The following EIF3L variants were observed in gnomAD, a reference collection of about 807,000 sequenced individuals.
The protein encoded by EIF3L is eIEF associated protein HSPC021.
A neutral mutation model predicts 74.6 loss-of-function variants in EIF3L; 32 were observed. The ratio of observed to expected loss-of-function variants is 0.43; its 90% confidence interval spans 0.32 to 0.58. EIF3L has a LOEUF of 0.58. Ranked by LOEUF, EIF3L falls within the 20% of genes least tolerant of loss-of-function variation. The probability of loss-of-function intolerance (pLI) is 0.06; values close to 1 mark genes in which losing one functional copy is unlikely to be tolerated. For missense variants in EIF3L, 474 were observed against 707.8 expected (o/e 0.67, Z 3.75); for synonymous variants, 256 against 254.4 (o/e 1.01, Z -0.06).
intron 5 of EIF3L, among the ~76,000 whole-genome samples, chr22:37,860,739 A>G (rs1338371023): frequency 6.6e-6 from 1 of 152,134 alleles, no homozygotes; most frequent in Non-Finnish European, 1.5e-5. Context: ...TGAAGTCATT[A>G]TCATCTCTTC....
intron 7 of EIF3L, among the ~76,000 whole-genome samples, 176 bp from the exon 8 acceptor site, chr22:37,870,000 T>C (rs1926386436): frequency 6.6e-6 from 1 of 152,162 alleles, no homozygotes; most frequent in Non-Finnish European, 1.5e-5. Context: ...AATTCACAGT[T>C]TAGTCAAGAT....
chr22:37,879,676 G>C (rs1926944631), intron 11 of EIF3L: 1 of 152,230 alleles, frequency 6.6e-6, no homozygotes, highest in South Asian at 2.1e-4. Context: ...ATGGTGCTTT[G>C]TATACTGTTG....
rs151034527 is a variant in EIF3L, at chr22:37,871,297, T to C, written c.751+950T>C. 1,160 of 152,216 alleles carry C rather than the reference T, an allele frequency of 7.6e-3. 5 individuals carry two copies. Among genetic ancestry groups the C allele is most frequent in the Middle Eastern group, 0.037 (11 of 294 alleles). 9.4% of individuals were successfully genotyped at this position (152,216 alleles called of 1,614,324 possible). ...GCCAGGATTATTGGAGAGGATTTTC[T>C]TTGATACTACACCATGTAGTAGTAT... On this transcript the variant is annotated intron_variant, in intron 8 of 12. Transcript: ENST00000652021.
At chr22:37,867,941 C>T (rs1340985249) in intron 7 of EIF3L, among the ~76,000 whole-genome samples, 1 of 131,814 alleles carries the variant, frequency 7.6e-6, no homozygotes, top group South Asian at 2.4e-4. Context: ...GGAGACAGAG[C>T]GAGACTCCAT....
intron 1 of EIF3L, 40 bp from the exon 2 acceptor site, chr22:37,849,975 G>T: frequency 1.9e-6 from 3 of 1,612,488 alleles, no homozygotes; most frequent in South Asian, 2.2e-5. Context: ...TTGAATTCAC[G>T]ACTTGGCGGC....
In EIF3L at chr22:37,855,565, C is replaced by T. The variant is rs143207366; in HGVS notation, c.294C>T (p.Ser98=). ...VYEIQDIYEN[S]WTKLTERFFK... Reference sequence around the variant, plus strand: ...TAGAGATTTTTTTCTTGATTTTTAGCTGGACCAAGCTGACTGAAAGATTCT... The same window carrying T: ...TAGAGATTTTTTTCTTGATTTTTAGTTGGACCAAGCTGACTGAAAGATTCT... Residue 98 remains serine (S), a splice_region_variant and synonymous_variant, in exon 4 of 13, where the codon AGC becomes AGT. Transcript: ENST00000652021. 1.9e-5 allele frequency: 30 copies of T among 1,613,612 alleles called. No homozygotes were observed. Among genetic ancestry groups the T allele is most frequent in the Non-Finnish European group, 2.5e-5 (30 of 1,179,786 alleles).
intron 8 of EIF3L, among the ~76,000 whole-genome samples, chr22:37,872,071 C>T (rs371900708): frequency 6.6e-6 from 1 of 151,346 alleles, no homozygotes; most frequent in Non-Finnish European, 1.5e-5. Context: ...CTTTTGTTAA[C>T]GTTATTCGTC....
chr22:37,877,659 C>G lies in EIF3L; in HGVS notation c.1078-15C>G. ...GTCTCATTTGACCCAGTACCACTCT[C>G]CACCCCATCCCCAGATTAACAAGCA... On this transcript the variant is annotated splice_polypyrimidine_tract_variant and intron_variant, in intron 10 of 12. Transcript: ENST00000652021. The G allele has an allele frequency of 6.3e-7, 1 of 1,581,016 alleles. No homozygotes were observed. Among genetic ancestry groups the G allele is most frequent in the Non-Finnish European group, 8.6e-7 (1 of 1,162,884 alleles).
rs549425262 is a variant in EIF3L, at chr22:37,858,219, CTTTTTT to C, written c.374-440_374-435del. Among the ~76,000 whole-genome samples, 370 of 85,104 alleles carry C rather than the reference CTTTTTT, an allele frequency of 4.3e-3. 2 individuals are homozygous for C. Among genetic ancestry groups the C allele is most frequent in the African/African-American group, 0.017 (344 of 20,570 alleles). The allele number at this position is 85,104 out of a possible 152,430, so 55.8% of individuals were successfully genotyped here. The stretch of plus-strand genomic sequence containing the variant: ...TCTGAAATTAATATTTTCTTTCTTC[CTTTTTT>C]TTTTTTTTTTTTTTTTTTTGACATG... On this transcript the variant is annotated intron_variant, in intron 4 of 12. Coordinates refer to ENST00000652021, the MANE Select transcript of EIF3L (RefSeq NM_016091.4).
chr22:37,849,949 C>G, intron 1 of EIF3L, 66 bp from the exon 2 acceptor site: 1 of 1,574,866 alleles, frequency 6.3e-7, no homozygotes, highest in Non-Finnish European at 8.7e-7. Context: ...GGCATCTAGA[C>G]TCTAGGATGA....
At position 37,850,057 on chromosome 22, in the gene EIF3L, C is replaced by T; in HGVS notation, c.76C>T (p.His26Tyr). The change falls in exon 2 of 13, where the codon CAC becomes TAC. Residue 26 changes from histidine to tyrosine, a missense_variant. By Grantham distance (83) the His-to-Tyr change is moderately conservative. Around this residue, in one of 4 missense-constraint regions of EIF3L, gnomAD observed 141 missense variants for 197.7 expected, o/e 0.71. Coordinates refer to ENST00000652021, the MANE Select transcript of EIF3L (RefSeq NM_016091.4). ...CGCTTATCCCAGCGACTATGATATG[C>T]ACACAGGTGAGACCACGGGTTAGGC... is the stretch of plus-strand genomic sequence containing the variant. ...PYAYPSDYDM[H>Y]TGDPKQDLAY... is the part of the protein sequence containing the mutation. The T allele has an allele frequency of 6.2e-7, 1 of 1,613,588 alleles. No homozygotes were observed.
At chr22:37,857,369 CAA>C (rs375301957) in intron 4 of EIF3L, among the ~76,000 whole-genome samples, 82 of 58,262 alleles carry the variant, frequency 1.4e-3, no homozygotes, top group African/African-American at 5.7e-3. Flanking sequence ...GACTGCGTCC[CAA>C]AAAAAAAAAA....
chr22:37,881,670 A>G (rs921035767), intron 11 of EIF3L: 1 of 152,058 alleles, frequency 6.6e-6, no homozygotes, highest in African/African-American at 2.4e-5. Context: ...CGGCCTCCCA[A>G]AGTGCTGGGG....
chr22:37,858,506 A>C, intron 4 of EIF3L, 173 bp from the exon 5 acceptor site: 1 of 670,196 alleles, frequency 1.5e-6, no homozygotes, highest in South Asian at 1.8e-5. Context: ...AGGTTGATGG[A>C]GTCAAATGAG....
chr22:37,854,880 A>G (rs975875352), intron 3 of EIF3L, among the ~76,000 whole-genome samples: 2 of 152,072 alleles, frequency 1.3e-5, no homozygotes, highest in African/African-American at 4.8e-5. Context: ...GGTTCAAGCG[A>G]TACCCCTATC....
intron 11 of EIF3L, chr22:37,884,462 T>TG (rs1169930911): frequency 3.3e-5 from 5 of 152,212 alleles, no homozygotes; most frequent in African/African-American, 1.2e-4. Flanking sequence ...TAGGTCAGTT[T>TG]GGGTAGTTTG....
intron 3 of EIF3L, among the ~76,000 whole-genome samples, chr22:37,854,554 G>T (rs1012318586): frequency 2.0e-5 from 3 of 152,114 alleles, no homozygotes; most frequent in African/African-American, 7.2e-5. Context: ...CGCAACCTCC[G>T]CCTCCTGGCT....
At chr22:37,878,447 A>G (rs2145836734) in intron 11 of EIF3L, 1 of 276,720 alleles carries the variant, frequency 3.6e-6, no homozygotes, top group Admixed American at 4.7e-5. Flanking sequence ...CACAAGAGAT[A>G]AACAATAGAT....
At position 37,865,575 on chromosome 22, in the gene EIF3L, A is replaced by G. The variant is rs1926105782; in HGVS notation, c.579+2230A>G. ...TTCAGGATAAATTGGTATCTTAATA[A>G]AGATGTTATTAGAACTCCGTGAACC... is the stretch of plus-strand genomic sequence containing the variant. On this transcript the variant is annotated intron_variant, in intron 7 of 12. Coordinates refer to ENST00000652021, the MANE Select transcript of EIF3L (RefSeq NM_016091.4). Among the ~76,000 whole-genome samples the G allele has an allele frequency of 2.0e-5, 3 of 152,228 alleles. No homozygotes were observed. In the South Asian group the frequency reaches 6.2e-4, roughly 31 times the overall value.
Sources: allele counts gnomAD v4.1 joint callset (sites outside exome capture counted in the v4.1 genomes callset), GRCh38; gene constraint gnomAD v4.1.1; regional missense constraint gnomAD v4.1.1; transcripts MANE v1.5; gene names NCBI Gene and HGNC (gene_info 2026-07-23, HGNC 2026-07-21).